The following SLMAP variants were observed in gnomAD, a reference collection of about 807,000 sequenced individuals.
SLMAP encodes sarcolemmal membrane-associated protein.
SLMAP carries 44 observed loss-of-function variants against 128.8 expected under a neutral mutation model. That is an observed-to-expected ratio of 0.34 (90% CI 0.27 to 0.44). The LOEUF (loss-of-function observed/expected upper bound fraction) is 0.44. Ranked by LOEUF, SLMAP falls within the 20% of genes least tolerant of loss-of-function variation. The pLI, the probability that SLMAP is intolerant of heterozygous loss-of-function variation, is 1.00. For synonymous variants in SLMAP, 327 were observed against 348.8 expected (o/e 0.94, Z 0.70); for missense variants, 787 against 985.3 (o/e 0.80, Z 2.69).
intron 2 of SLMAP, among the ~76,000 whole-genome samples, chr3:57,830,712 C>A (rs2093281899): frequency 6.6e-6 from 1 of 152,164 alleles, no homozygotes; most frequent in Non-Finnish European, 1.5e-5. Flanking sequence ...AAAAAGAAAC[C>A]TTGTACCCAT....
At chr3:57,783,171 T>C (rs1483187909) in intron 2 of SLMAP, among the ~76,000 whole-genome samples, 1 of 152,022 alleles carries the variant, frequency 6.6e-6, no homozygotes, top group African/African-American at 2.4e-5. Flanking sequence ...GAAAAGCCAG[T>C]TGTGGTAAAT....
At chr3:57,868,948 TTA>T (rs1445244871) in intron 13 of SLMAP, among the ~76,000 whole-genome samples, 30 of 137,310 alleles carry the variant, frequency 2.2e-4, no homozygotes, top group Admixed American at 1.5e-3. Context: ...TATGTGTGTA[TTA>T]TATATAATAT....
Position 57,860,851 on chromosome 3 carries a change from A to C in SLMAP, c.828+12A>C. 2 of 1,214,482 alleles carry C rather than the reference A, an allele frequency of 1.6e-6. No homozygotes were observed. Among genetic ancestry groups the C allele is most frequent in the African/African-American group, 3.2e-5 (2 of 62,770 alleles). The allele number at this position is 1,214,482 out of a possible 1,614,324, so 75.2% of individuals were successfully genotyped here. On this transcript the variant is annotated intron_variant, in intron 9 of 24. Coordinates refer to ENST00000671191, the MANE Select transcript of SLMAP (RefSeq NM_001377540.1). The stretch of plus-strand genomic sequence containing the variant: ...TTTCAGAAGTTGAGGTATTTCAATC[A>C]AAAAAAAAATACTAAATAGTATTAT...
intron 19 of SLMAP, among the ~76,000 whole-genome samples, chr3:57,910,915 G>T (rs1489611298): frequency 6.6e-6 from 1 of 152,086 alleles, no homozygotes; most frequent in Admixed American, 6.6e-5. Context: ...ACTAGTCTTT[G>T]GGGTCCTATT....
At chr3:57,869,699 C>T (rs1205651573) in intron 13 of SLMAP, among the ~76,000 whole-genome samples, 2 of 127,996 alleles carry the variant, frequency 1.6e-5, no homozygotes, top group Non-Finnish European at 3.2e-5. Flanking sequence ...ATCTATTTTG[C>T]CTACAGCATC....
chr3:57,864,636 A>G lies in SLMAP; in HGVS notation c.1055A>G (p.Lys352Arg). The G allele has an allele frequency of 1.3e-6, 2 of 1,599,026 alleles. No individual in the cohort carries two copies. Among genetic ancestry groups the G allele is most frequent in the Non-Finnish European group, 1.7e-6 (2 of 1,176,276 alleles). ...CATAAAATAGATGAAATGGAAGAAAAAGAACAGGAGCTCCAGGCAAAAATA... is the reference window on the plus strand; with the variant it reads ...CATAAAATAGATGAAATGGAAGAAAGAGAACAGGAGCTCCAGGCAAAAATA... ...LQHKIDEMEEKEQELQAKIEA... is the reference protein window; with the variant it reads ...LQHKIDEMEEREQELQAKIEA... The change falls in exon 11 of 25, where the codon AAA becomes AGA. Residue 352 changes from lysine (K) to arginine (R), a missense_variant. Physicochemically the swap from Lys to Arg is conservative, Grantham distance 26 (BLOSUM62 2). Transcript: ENST00000671191.
At chr3:57,910,561 C>A (rs979180714) in intron 19 of SLMAP, among the ~76,000 whole-genome samples, 1 of 152,162 alleles carries the variant, frequency 6.6e-6, no homozygotes, top group African/African-American at 2.4e-5. Flanking sequence ...TTCTTCTTAT[C>A]ACCATTTTGC....
chr3:57,884,430 C>T (rs900339939), intron 14 of SLMAP, among the ~76,000 whole-genome samples: 6 of 152,192 alleles, frequency 3.9e-5, no homozygotes, highest in Middle Eastern at 3.4e-3. Context: ...TCAGAATGCT[C>T]GTCAACAGGC....
At chr3:57,895,623 T>C (rs1217867006) in intron 15 of SLMAP, among the ~76,000 whole-genome samples, 2 of 150,846 alleles carry the variant, frequency 1.3e-5, no homozygotes, top group East Asian at 2.0e-4. Context: ...CGTGAGCCAC[T>C]GCGCCTGGCC....
At chr3:57,924,211 A>G (rs1297966482) in intron 23 of SLMAP, among the ~76,000 whole-genome samples, 1 of 152,164 alleles carries the variant, frequency 6.6e-6, no homozygotes. Context: ...CATTCACCTT[A>G]GGGGTGAATT....
chr3:57,897,766 G>T (rs188576058), intron 17 of SLMAP: 2 of 152,174 alleles, frequency 1.3e-5, no homozygotes, highest in East Asian at 1.9e-4. Context: ...TTAACTCTTT[G>T]TCTCACCTCT....
chr3:57,886,796 A>G (rs570577431), intron 14 of SLMAP, among the ~76,000 whole-genome samples: 1 of 152,188 alleles, frequency 6.6e-6, no homozygotes, highest in Non-Finnish European at 1.5e-5. Context: ...AGCACAATAT[A>G]TTTTAAATGA....
At chr3:57,811,499 A>G (rs1465748960) in intron 2 of SLMAP, among the ~76,000 whole-genome samples, 2 of 152,160 alleles carry the variant, frequency 1.3e-5, no homozygotes, top group Admixed American at 6.5e-5. Flanking sequence ...TCATCTATTG[A>G]TGGACACTTG....
chr3:57,844,434 A>G (rs2094140581), intron 4 of SLMAP, among the ~76,000 whole-genome samples: 1 of 152,048 alleles, frequency 6.6e-6, no homozygotes, highest in African/African-American at 2.4e-5. Context: ...AAAATTGCAT[A>G]TAATCCCACC....
At chr3:57,919,295 C>G (rs753307602) in intron 22 of SLMAP, among the ~76,000 whole-genome samples, 1 of 151,692 alleles carries the variant, frequency 6.6e-6, no homozygotes, top group South Asian at 2.1e-4. Context: ...ACAGGAGAAT[C>G]GCTTGAACCC....
At chr3:57,764,212 A>G (rs1220183456) in intron 2 of SLMAP, among the ~76,000 whole-genome samples, 4 of 152,082 alleles carry the variant, frequency 2.6e-5, no homozygotes, top group Admixed American at 6.6e-5. Flanking sequence ...CCTGTTTAAG[A>G]AAGAGTGGGC....
chr3:57,923,066 A>G (rs2096944232), intron 23 of SLMAP, 43 bp downstream of exon 23: 1 of 1,582,390 alleles, frequency 6.3e-7, no homozygotes, highest in African/African-American at 1.4e-5. Flanking sequence ...TGAGAGGCAC[A>G]TGAGAGATTG....
chr3:57,785,679 A>AT (rs2083940200), intron 2 of SLMAP, among the ~76,000 whole-genome samples: 2 of 152,094 alleles, frequency 1.3e-5, no homozygotes, highest in Non-Finnish European at 2.9e-5. Context: ...TTCTACTACC[A>AT]CACTTCTCTT....
chr3:57,802,324 C>G (rs1001237192), intron 2 of SLMAP, among the ~76,000 whole-genome samples: 2 of 151,968 alleles, frequency 1.3e-5, no homozygotes, highest in Admixed American at 1.3e-4. Context: ...TCTGCCCAGG[C>G]TGGAGTGCAG....
Sources: gnomAD v4.1 joint callset for allele counts (sites outside exome capture counted in the v4.1 genomes callset) on GRCh38, gnomAD v4.1.1 for gene constraint, MANE v1.5 for transcripts, NCBI Gene and HGNC (gene_info 2026-07-23, HGNC 2026-07-21) for gene names.